KIAA0825: variants seen among roughly 807,000 people sequenced by gnomAD.
KIAA0825 encodes KIAA0825, also known as uncharacterized protein KIAA0825.
Under a neutral mutation model 147.6 loss-of-function variants are expected in KIAA0825, and 119 were observed. The observed-to-expected ratio is 0.81, with a 90% CI of 0.69 to 0.94. The LOEUF (loss-of-function observed/expected upper bound fraction) is 0.94, where lower values mean the gene tolerates loss of function less well. Ranked by LOEUF, KIAA0825 falls within the 40% of genes least tolerant of loss-of-function variation. KIAA0825 has a pLI of 0.00. For missense variants in KIAA0825, 1,381 were observed against 1,472.7 expected (o/e 0.94, Z 1.02); for synonymous variants, 470 against 518.1 (o/e 0.91, Z 1.26).
chr5:94,349,785 G>A (rs1434364486), intron 20 of KIAA0825, among the ~76,000 whole-genome samples: 1 of 152,148 alleles, frequency 6.6e-6, no homozygotes, highest in Non-Finnish European at 1.5e-5. Flanking sequence ...AGCAAAGGCA[G>A]TGCTAAGAGG....
chr5:94,317,771 A>G (rs1441238071), intron 20 of KIAA0825, among the ~76,000 whole-genome samples: 1 of 151,892 alleles, frequency 6.6e-6, no homozygotes, highest in East Asian at 1.9e-4. Flanking sequence ...TTTAAAATAT[A>G]TGTAGATTGC....
intron 1 of KIAA0825, chr5:94,593,610 G>C: frequency 2.0e-6 from 1 of 499,614 alleles, no homozygotes; most frequent in Non-Finnish European, 3.8e-6. Context: ...TGTCAGAGGA[G>C]CTAACCAACG....
At chr5:94,324,446 A>G (rs1780487680) in intron 20 of KIAA0825, among the ~76,000 whole-genome samples, 1 of 151,906 alleles carries the variant, frequency 6.6e-6, no homozygotes, top group Non-Finnish European at 1.5e-5. Context: ...AGAGGATGCA[A>G]TTTTCTTGAT....
chr5:94,537,164 C>T (rs1235112942), intron 2 of KIAA0825, 37 bp from the exon 3 acceptor site: 6 of 1,559,764 alleles, frequency 3.8e-6, no homozygotes, highest in Non-Finnish European at 5.2e-6. Flanking sequence ...CATGTCAGTT[C>T]CCCCACAATG....
intron 1 of KIAA0825, among the ~76,000 whole-genome samples, chr5:94,608,172 A>G (rs10041262): frequency 0.23 from 35,089 of 150,992 alleles, 4,371 homozygotes; most frequent in Non-Finnish European, 0.27. Context: ...TACTCATTGT[A>G]TTTTTTTCAC....
intron 20 of KIAA0825, among the ~76,000 whole-genome samples, chr5:94,342,643 CTGA>C (rs962871986): frequency 1.3e-5 from 2 of 152,054 alleles, no homozygotes; most frequent in African/African-American, 2.4e-5. Context: ...AAAGTTTACC[CTGA>C]TGTTTCATTA....
chr5:94,181,625 T>C (rs931312186), intron 20 of KIAA0825, among the ~76,000 whole-genome samples: 1 of 152,208 alleles, frequency 6.6e-6, no homozygotes, highest in Non-Finnish European at 1.5e-5. Context: ...ATTAACGTAA[T>C]GTATTACTGC....
intron 20 of KIAA0825, among the ~76,000 whole-genome samples, chr5:94,352,052 G>A (rs1347666837): frequency 1.3e-5 from 2 of 152,152 alleles, no homozygotes; most frequent in Non-Finnish European, 2.9e-5. Context: ...AAAAGCAAAT[G>A]CAATAAAAAC....
chr5:94,424,205 G>A (rs1754547432), intron 14 of KIAA0825, among the ~76,000 whole-genome samples: 1 of 152,044 alleles, frequency 6.6e-6, no homozygotes, highest in Admixed American at 6.6e-5. Flanking sequence ...GAAGGCTCTT[G>A]TGTCATATAA....
At chr5:94,435,905 T>C (rs536746786) in intron 14 of KIAA0825, among the ~76,000 whole-genome samples, 41 of 152,352 alleles carry the variant, frequency 2.7e-4, no homozygotes, top group African/African-American at 9.9e-4. Context: ...ATATAACTGT[T>C]GGCTGCATGT....
At chr5:94,185,791 A>T (rs1253357322) in intron 20 of KIAA0825, among the ~76,000 whole-genome samples, 2 of 152,196 alleles carry the variant, frequency 1.3e-5, no homozygotes, top group Admixed American at 1.3e-4. Context: ...AAGGGCATAG[A>T]TTTTAAAATT....
At chr5:94,572,233 C>G (rs1780117922) in intron 2 of KIAA0825, among the ~76,000 whole-genome samples, 1 of 152,202 alleles carries the variant, frequency 6.6e-6, no homozygotes, top group Non-Finnish European at 1.5e-5. Flanking sequence ...GCAGGGCTGG[C>G]AGCATTAAGT....
chr5:94,563,333 G>A (rs922013748), intron 2 of KIAA0825, among the ~76,000 whole-genome samples: 4 of 150,882 alleles, frequency 2.7e-5, no homozygotes, highest in Non-Finnish European at 5.9e-5. Context: ...ACTCCAGCCT[G>A]GGCAACAGAG....
At position 94,398,356 on chromosome 5, in the gene KIAA0825, CCA is replaced by C. The variant is rs775734893; in HGVS notation, c.2888-1849_2888-1848del. Among the ~76,000 whole-genome samples, 8 of 152,172 alleles carry C rather than the reference CCA, an allele frequency of 5.3e-5. No homozygotes were observed. In the East Asian group the frequency reaches 5.8e-4, roughly 11 times the overall value. On this transcript the variant is annotated intron_variant, in intron 16 of 20. Coordinates refer to ENST00000682413, the MANE Select transcript of KIAA0825 (RefSeq NM_001145678.3). ...TCTTGAGCCTTGCTGTCAAAACACT[CCA>C]CAGTCTAGCCTCAGCCTGTTTCTAT...
chr5:94,187,018 C>T (rs1331280327), intron 20 of KIAA0825, among the ~76,000 whole-genome samples: 1 of 152,156 alleles, frequency 6.6e-6, no homozygotes, highest in Non-Finnish European at 1.5e-5. Flanking sequence ...TAGAAAATTA[C>T]TGCAAGTTCT....
chr5:94,198,650 C>A (rs1583824250), intron 20 of KIAA0825, among the ~76,000 whole-genome samples: 2 of 152,040 alleles, frequency 1.3e-5, no homozygotes, highest in African/African-American at 4.8e-5. Flanking sequence ...CTAATGCATG[C>A]AGGGCTTAAA....
At chr5:94,189,332 A>C (rs1384178597) in intron 20 of KIAA0825, among the ~76,000 whole-genome samples, 1 of 152,132 alleles carries the variant, frequency 6.6e-6, no homozygotes, top group Non-Finnish European at 1.5e-5. Flanking sequence ...AAGTTTAAGA[A>C]ATCTTTGCCT....
Position 94,396,701 on chromosome 5 carries a change from GT to G in KIAA0825, c.2888-193del, listed in dbSNP as rs199881348. Among the ~76,000 whole-genome samples, 666 of 145,184 alleles carry G rather than the reference GT, an allele frequency of 4.6e-3. 3 individuals carry two copies. The highest frequency in any genetic ancestry group is 0.017 in the East Asian group (83 of 4,990). ...CTAAAATTCCCCCAAATCAAAATCT[GT>G]TTTTTTTTTTCTCTCATAAATGATT... On this transcript the variant is annotated intron_variant, in intron 16 of 20. Transcript: ENST00000682413.
chr5:94,524,417 G>A (rs189880042), intron 3 of KIAA0825, among the ~76,000 whole-genome samples: 19 of 151,626 alleles, frequency 1.3e-4, no homozygotes, highest in African/African-American at 4.3e-4. Context: ...TGGATGAAAG[G>A]GAGAGATAAA....
Sources: allele counts gnomAD v4.1 joint callset (sites outside exome capture counted in the v4.1 genomes callset), GRCh38; gene constraint gnomAD v4.1.1; transcripts MANE v1.5; gene names NCBI Gene and HGNC (gene_info 2026-07-23, HGNC 2026-07-21).